PHTF2: variants seen among roughly 807,000 people sequenced by gnomAD.
PHTF2 encodes the protein putative homeodomain transcription factor 2.
PHTF2 carries 60 observed loss-of-function variants against 101.2 expected under a neutral mutation model. The ratio of observed to expected loss-of-function variants is 0.59; its 90% CI spans 0.48 to 0.73. The LOEUF is 0.73. Among genes scored for constraint, PHTF2 ranks in the 30% least tolerant of loss-of-function variants. PHTF2 has a pLI of 0.00. For synonymous variants in PHTF2, 311 were observed against 307.3 expected (o/e 1.01, Z -0.13); for missense variants, 747 against 908.7 (o/e 0.82, Z 2.29).
intron 9 of PHTF2, among the ~76,000 whole-genome samples, chr7:77,911,609 G>A (rs914073776): frequency 5.9e-5 from 9 of 152,156 alleles, no homozygotes; most frequent in Non-Finnish European, 1.2e-4. Flanking sequence ...TCATCAATTT[G>A]TGATTGTGCT....
chr7:77,830,684 G>A (rs1795013628), intron 1 of PHTF2, among the ~76,000 whole-genome samples: 1 of 152,170 alleles, frequency 6.6e-6, no homozygotes, highest in Non-Finnish European at 1.5e-5. Context: ...TAGCAGAGAG[G>A]TTTGACTGCA....
At chr7:77,917,477 G>T (rs1803039407) in intron 9 of PHTF2, among the ~76,000 whole-genome samples, 2 of 152,088 alleles carry the variant, frequency 1.3e-5, no homozygotes, top group Non-Finnish European at 2.9e-5. Context: ...AGCTATCCAG[G>T]TATATTATAC....
chr7:77,915,653 G>T (rs2150892725), intron 9 of PHTF2, among the ~76,000 whole-genome samples: 1 of 152,224 alleles, frequency 6.6e-6, no homozygotes. Context: ...TAACACTGCA[G>T]TCACTAATAA....
intron 1 of PHTF2, among the ~76,000 whole-genome samples, chr7:77,834,419 A>G (rs891128478): frequency 6.6e-6 from 1 of 152,150 alleles, no homozygotes; most frequent in African/African-American, 2.4e-5. Flanking sequence ...TTGGCTATAC[A>G]TTGTTCTTTG....
intron 1 of PHTF2, among the ~76,000 whole-genome samples, chr7:77,836,732 G>T (rs1189857093): frequency 6.6e-6 from 1 of 151,810 alleles, no homozygotes; most frequent in African/African-American, 2.4e-5. Context: ...AAAACCAAAT[G>T]CTGCATGTTC....
Position 77,900,658 on chromosome 7 carries a change from G to C in PHTF2, c.217-53G>C, listed in dbSNP as rs908434419. On this transcript the variant is annotated intron_variant, in intron 5 of 19. Coordinates refer to ENST00000416283, the Ensembl canonical transcript of PHTF2. The stretch of plus-strand genomic sequence containing the variant: ...AAGCTTTAGAAATTGATTTTCTCCT[G>C]TTCTAGATTTAAGTATATATACAAT... 10 of 887,272 alleles carry C rather than the reference G, an allele frequency of 1.1e-5. No homozygotes were observed. In the African/African-American group the frequency reaches 1.3e-4, roughly 12 times the overall value. 55.0% of individuals were successfully genotyped at this position (887,272 alleles called of 1,614,324 possible).
chr7:77,955,082 T>G (rs1562983532), exon 20 of PHTF2: 1 of 321,438 alleles, frequency 3.1e-6, no homozygotes, highest in Non-Finnish European at 5.8e-6. Context: ...ATTTTTATTT[T>G]TAAGCATTGA....
intron 1 of PHTF2, among the ~76,000 whole-genome samples, chr7:77,819,567 G>C (rs150882292): frequency 6.6e-6 from 1 of 152,100 alleles, no homozygotes; most frequent in Non-Finnish European, 1.5e-5. Context: ...CCGTCCTTGC[G>C]TTCCTCAGAT....
At chr7:77,799,503 G>A (rs1026952040) in intron 1 of PHTF2, among the ~76,000 whole-genome samples, 1 of 152,216 alleles carries the variant, frequency 6.6e-6, no homozygotes, top group Non-Finnish European at 1.5e-5. Flanking sequence ...CTGAGCAGGC[G>A]GCAGTCGAGT....
chr7:77,869,156 T>TA (rs757750749), intron 3 of PHTF2, among the ~76,000 whole-genome samples: 9 of 152,222 alleles, frequency 5.9e-5, no homozygotes, highest in Non-Finnish European at 1.3e-4. Flanking sequence ...TTTTAATTGA[T>TA]ACGTAATTAA....
chr7:77,939,476 G>A (rs1359016812), intron 13 of PHTF2, among the ~76,000 whole-genome samples: 1 of 151,566 alleles, frequency 6.6e-6, no homozygotes, highest in Non-Finnish European at 1.5e-5. Flanking sequence ...AGCTGGGGGC[G>A]GTGGTGTATA....
At chr7:77,840,698 G>A (rs1350884646) in intron 2 of PHTF2, among the ~76,000 whole-genome samples, 1 of 151,872 alleles carries the variant, frequency 6.6e-6, no homozygotes, top group Non-Finnish European at 1.5e-5. Context: ...GTAAAATAAA[G>A]TTTTGGGAAC....
chr7:77,834,255 G>A lies in PHTF2; in HGVS notation c.-35-5966G>A, dbSNP rs1038188680. Reference sequence around the variant, plus strand: ...CTTGAGCTGGGAAGTCGAAGCTGCCGTGAGCCCTGATCGTGCCACTGCACT... The same window carrying A: ...CTTGAGCTGGGAAGTCGAAGCTGCCATGAGCCCTGATCGTGCCACTGCACT... On this transcript the variant is annotated intron_variant, in intron 1 of 19. Coordinates refer to ENST00000416283, the Ensembl canonical transcript of PHTF2. Among the ~76,000 whole-genome samples the A allele has an allele frequency of 2.1e-4, 31 of 149,092 alleles. 1 individual carries two copies. The highest frequency in any genetic ancestry group is 3.7e-4 in the African/African-American group (15 of 40,112).
At chr7:77,837,202 CA>C (rs1173373511) in intron 1 of PHTF2, among the ~76,000 whole-genome samples, 14 of 152,216 alleles carry the variant, frequency 9.2e-5, no homozygotes, top group Admixed American at 3.3e-4. Flanking sequence ...TAAAGGTCCC[CA>C]GTAGGTTTTT....
chr7:77,925,495 G>GT (rs58290945), intron 11 of PHTF2, among the ~76,000 whole-genome samples: 1,893 of 73,200 alleles, frequency 0.026, 188 homozygotes, highest in Non-Finnish European at 0.036. Flanking sequence ...AGTTTTTAGG[G>GT]TTTTTTTTTT....
At chr7:77,799,876 T>A (rs879490426) in intron 1 of PHTF2, among the ~76,000 whole-genome samples, 2 of 152,256 alleles carry the variant, frequency 1.3e-5, no homozygotes, top group Non-Finnish European at 2.9e-5. Context: ...TATTAAATAT[T>A]TTGTAGTTTT....
At chr7:77,853,203 T>G (rs1796905557) in intron 2 of PHTF2, among the ~76,000 whole-genome samples, 1 of 152,126 alleles carries the variant, frequency 6.6e-6, no homozygotes, top group Non-Finnish European at 1.5e-5. Flanking sequence ...CAGTAACTCT[T>G]AGATTTGCCT....
intron 1 of PHTF2, among the ~76,000 whole-genome samples, chr7:77,835,975 G>A (rs536812115): frequency 8.1e-4 from 123 of 151,934 alleles, no homozygotes; most frequent in Middle Eastern, 3.4e-3. Flanking sequence ...CAAATTAGCC[G>A]GGTGTAGTGG....
intron 1 of PHTF2, among the ~76,000 whole-genome samples, chr7:77,809,559 G>T (rs1793270932): frequency 6.6e-6 from 1 of 151,714 alleles, no homozygotes; most frequent in South Asian, 2.1e-4. Context: ...ACAAAACTTT[G>T]TGTGTGTGTG....
Sources: allele counts gnomAD v4.1 joint callset (sites outside exome capture counted in the v4.1 genomes callset), GRCh38; gene constraint gnomAD v4.1.1; transcripts MANE v1.5; gene names NCBI Gene and HGNC (gene_info 2026-07-23, HGNC 2026-07-21).